MGMT: variants seen among roughly 807,000 people sequenced by gnomAD.
MGMT encodes the protein methylated-DNA--protein-cysteine methyltransferase.
A neutral mutation model predicts 15.9 loss-of-function variants in MGMT; 14 were observed. That is an observed-to-expected ratio of 0.88 (90% CI 0.58 to 1.37). The LOEUF is 1.37. Among genes scored for constraint, MGMT ranks in the 40% most tolerant of loss-of-function variants. The pLI, the probability that MGMT is intolerant of heterozygous loss-of-function variation, is 0.00. For missense variants in MGMT, 282 were observed against 268.1 expected, an observed-to-expected ratio of 1.05 and a Z score of -0.36; for synonymous variants, 130 against 118.2, an observed-to-expected ratio of 1.10 and a Z score of -0.65.
At chr10:129,635,233 C>T (rs1847252147) in intron 2 of MGMT, among the ~76,000 whole-genome samples, 1 of 152,188 alleles carries the variant, frequency 6.6e-6, no homozygotes, top group Non-Finnish European at 1.5e-5. Context: ...CATCAGTACT[C>T]TGATGAATAT....
intron 1 of MGMT, among the ~76,000 whole-genome samples, chr10:129,482,503 A>G (rs1392952428): frequency 6.6e-6 from 1 of 152,168 alleles, no homozygotes; most frequent in African/African-American, 2.4e-5. Context: ...AGGAGTATTG[A>G]CATCTCCAGC....
chr10:129,541,753 T>G (rs1316128114), intron 2 of MGMT, among the ~76,000 whole-genome samples: 1 of 152,222 alleles, frequency 6.6e-6, no homozygotes, highest in East Asian at 1.9e-4. Context: ...CTAAACCACT[T>G]TAAAACTTTT....
At chr10:129,675,360 G>T (rs1326459734) in intron 2 of MGMT, among the ~76,000 whole-genome samples, 1 of 152,208 alleles carries the variant, frequency 6.6e-6, no homozygotes, top group African/African-American at 2.4e-5. Flanking sequence ...TGGTGGTCTA[G>T]GCAGGGAATG....
At chr10:129,503,969 T>C (rs1845600439) in intron 1 of MGMT, among the ~76,000 whole-genome samples, 1 of 152,246 alleles carries the variant, frequency 6.6e-6, no homozygotes, top group South Asian at 2.1e-4. Flanking sequence ...ACTGGGAACA[T>C]CTCATTGTAG....
At chr10:129,697,353 T>C (rs1161033322) in intron 2 of MGMT, among the ~76,000 whole-genome samples, 1 of 152,210 alleles carries the variant, frequency 6.6e-6, no homozygotes, top group East Asian at 1.9e-4. Context: ...TGGCTTCCAT[T>C]TCAAAGAGGA....
At chr10:129,737,188 A>G (rs933723371) in intron 3 of MGMT, among the ~76,000 whole-genome samples, 1 of 152,196 alleles carries the variant, frequency 6.6e-6, no homozygotes, top group Non-Finnish European at 1.5e-5. Context: ...TGTCACTTTC[A>G]GGTACACCAA....
intron 1 of MGMT, among the ~76,000 whole-genome samples, chr10:129,471,750 A>G (rs1463614448): frequency 6.6e-6 from 1 of 152,116 alleles, no homozygotes; most frequent in Non-Finnish European, 1.5e-5. Flanking sequence ...GCAGACCCTA[A>G]TGCTTGAGCA....
At chr10:129,657,802 G>T (rs1847548571) in intron 2 of MGMT, among the ~76,000 whole-genome samples, 1 of 151,874 alleles carries the variant, frequency 6.6e-6, no homozygotes, top group South Asian at 2.1e-4. Context: ...ACCCTTAGCA[G>T]TGTGGCCTGA....
At chr10:129,736,498 G>A (rs1041835242) in intron 3 of MGMT, among the ~76,000 whole-genome samples, 1 of 146,568 alleles carries the variant, frequency 6.8e-6, no homozygotes, top group Non-Finnish European at 1.5e-5. Flanking sequence ...ACACTGATGG[G>A]TCTTGACTCT....
At chr10:129,584,797 C>T (rs78873623) in intron 2 of MGMT, among the ~76,000 whole-genome samples, 241 of 152,288 alleles carry the variant, frequency 1.6e-3, no homozygotes, top group African/African-American at 5.1e-3. Flanking sequence ...GGTTGCTCCA[C>T]GCTCCAGCAT....
intron 3 of MGMT, among the ~76,000 whole-genome samples, chr10:129,746,852 A>G (rs1313342593): frequency 2.6e-5 from 4 of 152,184 alleles, no homozygotes; most frequent in African/African-American, 9.7e-5. Flanking sequence ...TTTTAGAGTC[A>G]ACATGTCTAT....
chr10:129,570,710 C>G (rs974960286), intron 2 of MGMT, among the ~76,000 whole-genome samples: 3 of 152,174 alleles, frequency 2.0e-5, no homozygotes, highest in Non-Finnish European at 4.4e-5. Context: ...AAAAAATTGA[C>G]TATTCATCGA....
At chr10:129,607,466 A>G (rs1040899570) in intron 2 of MGMT, among the ~76,000 whole-genome samples, 3 of 152,136 alleles carry the variant, frequency 2.0e-5, no homozygotes, top group Non-Finnish European at 2.9e-5. Flanking sequence ...GGCTGCTGCC[A>G]GGGTGTTTGT....
At chr10:129,632,607 G>T (rs968921251) in intron 2 of MGMT, among the ~76,000 whole-genome samples, 8 of 152,192 alleles carry the variant, frequency 5.3e-5, no homozygotes, top group African/African-American at 1.9e-4. Flanking sequence ...CACTGTCCTT[G>T]GTTCTGGTGA....
At chr10:129,534,839 A>G (rs972062348) in intron 1 of MGMT, among the ~76,000 whole-genome samples, 2 of 151,950 alleles carry the variant, frequency 1.3e-5, no homozygotes, top group Non-Finnish European at 2.9e-5. Context: ...AGGGGTCAGC[A>G]GACCTTTCTG....
chr10:129,670,896 TATCTC>T (rs1847714807), intron 2 of MGMT, among the ~76,000 whole-genome samples: 1 of 152,218 alleles, frequency 6.6e-6, no homozygotes, highest in African/African-American at 2.4e-5. Flanking sequence ...ATGTGAAAAT[TATCTC>T]AATTTACTTG....
At chr10:129,657,142 C>T (rs1847533420) in intron 2 of MGMT, among the ~76,000 whole-genome samples, 1 of 152,074 alleles carries the variant, frequency 6.6e-6, no homozygotes, top group South Asian at 2.1e-4. Context: ...GACAGATACC[C>T]TGTCTTGGGG....
intron 2 of MGMT, among the ~76,000 whole-genome samples, chr10:129,631,251 G>A (rs1847206618): frequency 6.6e-6 from 1 of 152,058 alleles, no homozygotes; most frequent in Non-Finnish European, 1.5e-5. Context: ...CCCCGTTAAG[G>A]GTAGAAAATA....
chr10:129,536,509 C>G, intron 2 of MGMT, 132 bp downstream of exon 2: 1 of 1,171,342 alleles, frequency 8.5e-7, no homozygotes, highest in Non-Finnish European at 1.2e-6. Context: ...AACCACGAGT[C>G]CGTCTCTCAA....
Sources: gnomAD v4.1 joint callset for allele counts (sites outside exome capture counted in the v4.1 genomes callset) on GRCh38, gnomAD v4.1.1 for gene constraint, MANE v1.5 for transcripts, NCBI Gene and HGNC (gene_info 2026-07-23, HGNC 2026-07-21) for gene names.